TTC28: variants seen among roughly 807,000 people sequenced by gnomAD.
TTC28 encodes tetratricopeptide repeat protein 28.
A neutral mutation model predicts 198.0 loss-of-function variants in TTC28; 61 were observed. The observed-to-expected ratio is 0.31, with a 90% CI of 0.25 to 0.38. The LOEUF is 0.38. Among genes scored for constraint, TTC28 ranks in the 10% least tolerant of loss-of-function variants. TTC28 has a pLI of 1.00. For synonymous variants in TTC28, 1,171 were observed against 1,297.8 expected, an observed-to-expected ratio of 0.90 and a Z score of 2.10; for missense variants, 2,678 against 3,164.0, an observed-to-expected ratio of 0.85 and a Z score of 3.69.
chr22:28,679,017 C>T (rs1404751249), intron 1 of TTC28, among the ~76,000 whole-genome samples: 1 of 152,228 alleles, frequency 6.6e-6, no homozygotes, highest in African/African-American at 2.4e-5. Context: ...AGAGACATCC[C>T]GTCCAGCGGG....
intron 2 of TTC28, among the ~76,000 whole-genome samples, chr22:28,450,107 T>C (rs1191815074): frequency 6.6e-6 from 1 of 152,246 alleles, no homozygotes; most frequent in East Asian, 1.9e-4. Flanking sequence ...GATGTAGATA[T>C]TGATATAGAT....
intron 2 of TTC28, among the ~76,000 whole-genome samples, chr22:28,369,200 T>C (rs1171593301): frequency 6.6e-6 from 1 of 152,100 alleles, no homozygotes; most frequent in African/African-American, 2.4e-5. Flanking sequence ...AGAACTATAG[T>C]AACCAAAACA....
chr22:28,022,917 A>G (rs1400714933), intron 13 of TTC28, among the ~76,000 whole-genome samples: 27 of 152,356 alleles, frequency 1.8e-4, no homozygotes, highest in Non-Finnish European at 5.9e-5. Flanking sequence ...CCTGGTGAAC[A>G]CTGCATTTTA....
chr22:28,401,112 T>C (rs1458641494), intron 2 of TTC28, among the ~76,000 whole-genome samples: 1 of 151,392 alleles, frequency 6.6e-6, no homozygotes, highest in Admixed American at 6.6e-5. Flanking sequence ...CAGAGTTGTT[T>C]ATAGTCTAAA....
chr22:28,203,363 G>A (rs1926132962), intron 5 of TTC28, among the ~76,000 whole-genome samples: 1 of 152,076 alleles, frequency 6.6e-6, no homozygotes, highest in South Asian at 2.1e-4. Context: ...ACTATTATTT[G>A]TCACATAAAA....
rs1255312953 is a variant in TTC28 at position 28,297,807 on chromosome 22, T to A, written c.575A>T (p.Asp192Val). Residue 192 changes from aspartate (D) to valine (V), a missense_variant, in exon 4 of 23, where the codon GAC becomes GTC. Physicochemically the swap from Asp to Val is radical, Grantham distance 152. This residue lies in a region of TTC28 where 176 missense variants were observed against 197.9 expected (regional missense o/e 0.89). Transcript: ENST00000397906. ...TYQQLQKMKL[D>V]KSPFVVVSVV... is the part of the protein sequence containing the mutation. ...AGACACGACCACAAAGGGACTCTTG[T>A]CCAGTTTCATTTTCTGAAGCTGCTG... 1.3e-6 allele frequency: 2 copies of A among 1,551,630 alleles called. No homozygotes were observed. The highest frequency in any genetic ancestry group is 1.7e-6 in the Non-Finnish European group (2 of 1,146,990).
chr22:28,227,094 T>A (rs2147218308), intron 5 of TTC28, among the ~76,000 whole-genome samples: 1 of 152,226 alleles, frequency 6.6e-6, no homozygotes, highest in African/African-American at 2.4e-5. Context: ...TCGGCTAATT[T>A]TTATTTTATT....
At chr22:28,077,449 C>T (rs1417855661) in intron 12 of TTC28, among the ~76,000 whole-genome samples, 2 of 152,238 alleles carry the variant, frequency 1.3e-5, no homozygotes, top group African/African-American at 2.4e-5. Context: ...AGCCACCTCA[C>T]CCAGCTAATA....
intron 5 of TTC28, among the ~76,000 whole-genome samples, chr22:28,244,105 G>A (rs79601539): frequency 0.016 from 2,366 of 152,194 alleles, 81 homozygotes; most frequent in African/African-American, 0.055. Flanking sequence ...TATGCCAAGA[G>A]TCAATAAACA....
chr22:28,184,370 A>C (rs1923989712), intron 5 of TTC28, among the ~76,000 whole-genome samples: 1 of 152,194 alleles, frequency 6.6e-6, no homozygotes, highest in Non-Finnish European at 1.5e-5. Flanking sequence ...ATTAATAAAA[A>C]ATCCTAGAAA....
At position 28,438,816 on chromosome 22, in the gene TTC28, T is replaced by C. The variant is rs141134690; in HGVS notation, c.382-132173A>G. Among the ~76,000 whole-genome samples the C allele has an allele frequency of 5.0e-3, 763 of 152,342 alleles. 3 individuals are homozygous for C. The highest frequency in any genetic ancestry group is 7.2e-3 in the Non-Finnish European group (490 of 68,026). On this transcript the variant is annotated intron_variant, in intron 2 of 22. Transcript: ENST00000397906. ...GACTAAAGGTAAAAACGGGAAAGTA[T>C]ATTTTTCCAGGCCAATAAGGTTATA...
intron 6 of TTC28, among the ~76,000 whole-genome samples, chr22:28,122,356 A>G (rs1426333700): frequency 6.6e-6 from 1 of 152,220 alleles, no homozygotes; most frequent in African/African-American, 2.4e-5. Flanking sequence ...CAGGTGCCTC[A>G]CAATTATTGT....
intron 2 of TTC28, among the ~76,000 whole-genome samples, chr22:28,600,832 ATAAAAGATT>A (rs2050628679): frequency 6.6e-6 from 1 of 152,238 alleles, no homozygotes; most frequent in South Asian, 2.1e-4. Flanking sequence ...ACAAGGATTT[ATAAAAGATT>A]CTTCCTGCAT....
At chr22:28,510,704 A>G (rs985331504) in intron 2 of TTC28, among the ~76,000 whole-genome samples, 1 of 152,158 alleles carries the variant, frequency 6.6e-6, no homozygotes, top group Non-Finnish European at 1.5e-5. Flanking sequence ...TAGGAAGAGA[A>G]GAAGTCAAAT....
chr22:28,373,014 A>G (rs902171827), intron 2 of TTC28, among the ~76,000 whole-genome samples: 14 of 152,216 alleles, frequency 9.2e-5, no homozygotes, highest in African/African-American at 2.4e-4. Flanking sequence ...AAAGAAGGCC[A>G]TAACAGCAGG....
chr22:28,241,375 C>A (rs1929641474), intron 5 of TTC28, among the ~76,000 whole-genome samples: 2 of 151,986 alleles, frequency 1.3e-5, no homozygotes, highest in Admixed American at 6.6e-5. Context: ...GACATGAAAA[C>A]TAAATGCAAA....
At chr22:28,486,882 TCTTTC>T (rs1404024796) in intron 2 of TTC28, among the ~76,000 whole-genome samples, 7 of 152,218 alleles carry the variant, frequency 4.6e-5, no homozygotes, top group Non-Finnish European at 8.8e-5. Context: ...AGCATCTGGC[TCTTTC>T]CTTAATAAAT....
intron 5 of TTC28, among the ~76,000 whole-genome samples, chr22:28,271,946 A>G (rs1932107604): frequency 6.6e-6 from 1 of 151,680 alleles, no homozygotes; most frequent in Non-Finnish European, 1.5e-5. Context: ...CTTGGTTTTC[A>G]TCCTTTCTTG....
intron 5 of TTC28, among the ~76,000 whole-genome samples, chr22:28,271,947 T>C (rs1466858751): frequency 1.3e-5 from 2 of 152,110 alleles, no homozygotes; most frequent in African/African-American, 4.8e-5. Context: ...TTGGTTTTCA[T>C]CCTTTCTTGC....
Sources: gnomAD v4.1 joint callset for allele counts (sites outside exome capture counted in the v4.1 genomes callset) on GRCh38, gnomAD v4.1.1 for gene constraint, gnomAD v4.1.1 regional missense constraint, MANE v1.5 for transcripts, NCBI Gene and HGNC (gene_info 2026-07-23, HGNC 2026-07-21) for gene names.